The following ATCAY variants were observed in gnomAD, a reference collection of about 807,000 sequenced individuals.
The protein encoded by ATCAY is caytaxin.
In ATCAY, 22 loss-of-function variants were observed where a neutral mutation model predicts 47.7. The observed-to-expected ratio is 0.46, with a 90% CI of 0.33 to 0.66. The LOEUF is 0.66. ATCAY is among the 30% of genes least tolerant of loss of function. ATCAY has a pLI of 0.02. For synonymous variants in ATCAY, 216 were observed against 207.6 expected, an observed-to-expected ratio of 1.04 and a Z score of -0.35; for missense variants, 452 against 515.0, an observed-to-expected ratio of 0.88 and a Z score of 1.18.
intron 10 of ATCAY, among the ~76,000 whole-genome samples, 181 bp downstream of exon 10, chr19:3,917,958 G>A (rs1432724235): frequency 2.0e-5 from 3 of 152,144 alleles, no homozygotes; most frequent in East Asian, 1.9e-4. Flanking sequence ...ACTGGCTCCC[G>A]CATTGAGCTG....
At chr19:3,911,220 G>C (rs1469271850) in intron 8 of ATCAY, among the ~76,000 whole-genome samples, 1 of 152,114 alleles carries the variant, frequency 6.6e-6, no homozygotes, top group African/African-American at 2.4e-5. Flanking sequence ...ACAAAAATTA[G>C]CAGGACGTGG....
intron 12 of ATCAY, among the ~76,000 whole-genome samples, chr19:3,921,253 G>A (rs192712101): frequency 1.5e-3 from 222 of 151,930 alleles, no homozygotes; most frequent in African/African-American, 4.2e-3. Flanking sequence ...TCTCACGCCT[G>A]TAATCCCAGC....
At chr19:3,914,930 C>T (rs1052431168) in intron 9 of ATCAY, among the ~76,000 whole-genome samples, 13 of 152,018 alleles carry the variant, frequency 8.6e-5, no homozygotes, top group Admixed American at 7.9e-4. Flanking sequence ...AGGGGAAACG[C>T]AGACTTGGAA....
intron 9 of ATCAY, among the ~76,000 whole-genome samples, chr19:3,914,984 A>G (rs968880392): frequency 3.8e-5 from 4 of 106,122 alleles, no homozygotes; most frequent in African/African-American, 9.7e-5. Context: ...GGAGCCCCTC[A>G]GGGACCCCCC....
intron 3 of ATCAY, among the ~76,000 whole-genome samples, chr19:3,904,682 G>T (rs139299966): frequency 1.5e-4 from 23 of 151,834 alleles, no homozygotes; most frequent in African/African-American, 5.6e-4. Context: ...TTGTTTCCCT[G>T]GAGCACTCTG....
chr19:3,882,831 C>A (rs1192110220), intron 1 of ATCAY, among the ~76,000 whole-genome samples: 1 of 144,844 alleles, frequency 6.9e-6, no homozygotes, highest in African/African-American at 2.6e-5. Flanking sequence ...TTTTGCTTTT[C>A]GTAGAGATGG....
At chr19:3,885,929 C>G in intron 2 of ATCAY, 85 bp downstream of exon 2, 36 of 1,419,498 alleles carry the variant, frequency 2.5e-5, no homozygotes, top group Non-Finnish European at 3.4e-5. Flanking sequence ...GGGTCTCTCT[C>G]TAAGTGGGAA....
intron 8 of ATCAY, among the ~76,000 whole-genome samples, chr19:3,911,822 C>A (rs2038924750): frequency 6.6e-6 from 1 of 152,150 alleles, no homozygotes; most frequent in Non-Finnish European, 1.5e-5. Flanking sequence ...GAGGGCTTCA[C>A]TTTCCCTTGA....
chr19:3,924,791 T>C lies in ATCAY; in HGVS notation c.*199T>C, dbSNP rs1310142277. ...ACATTGTATTTTTTTTTTTTAACGA[T>C]GCAGTATTTGTGCGTTCCAGAAAAG... On this transcript the variant is annotated 3_prime_UTR_variant, in exon 13 of 13. Transcript: ENST00000450849. The C allele has an allele frequency of 3.4e-6, 2 of 591,338 alleles. No individual in the cohort carries two copies. Among genetic ancestry groups the C allele is most frequent in the South Asian group, 2.1e-5 (1 of 47,964 alleles). The allele number at this position is 591,338 out of a possible 1,614,324, so 36.6% of individuals were successfully genotyped here.
At chr19:3,887,295 CA>C (rs532226558) in intron 2 of ATCAY, among the ~76,000 whole-genome samples, 9,177 of 138,416 alleles carry the variant, frequency 0.066, 690 homozygotes, top group African/African-American at 0.19. Context: ...CCATTTCTAC[CA>C]AAAAAAAAAA....
At chr19:3,888,708 G>A (rs770032691) in intron 2 of ATCAY, among the ~76,000 whole-genome samples, 25 of 152,182 alleles carry the variant, frequency 1.6e-4, no homozygotes, top group African/African-American at 3.9e-4. Context: ...CCAAAAGAAC[G>A]AACTTAAAAG....
Position 3,887,729 on chromosome 19 carries a change from G to A in ATCAY, c.77+1885G>A, listed in dbSNP as rs1019350952. 8.6e-4 allele frequency among the ~76,000 whole-genome samples: 128 copies of A among 148,598 alleles called. 2 individuals are homozygous for A. The highest frequency in any genetic ancestry group is 3.7e-3 in the South Asian group (17 of 4,570). On this transcript the variant is annotated intron_variant, in intron 2 of 12. Coordinates refer to ENST00000450849, the MANE Select transcript of ATCAY (RefSeq NM_033064.5). ...TCTCGATCGTCTGACCTCGTGATCC[G>A]CCCACCTCGGCCTCCCAAAGTGCTG...
In ATCAY at chr19:3,908,277, G is replaced by A; in HGVS notation, c.554G>A (p.Gly185Asp). 6.3e-7 allele frequency: 1 copy of A among 1,576,386 alleles called. No homozygotes were observed. The highest frequency in any genetic ancestry group is 8.6e-7 in the Non-Finnish European group (1 of 1,161,028). ...MKVVTHGGYY[G>D]EGLNAIIVFA... ...GGCTGCCTCTCCTCAGGGTACTACGGCGAAGGCCTCAACGCCATCATCGTC... is the reference window on the plus strand; with the variant it reads ...GGCTGCCTCTCCTCAGGGTACTACGACGAAGGCCTCAACGCCATCATCGTC... The change falls in exon 6 of 13, where the codon GGC (glycine) becomes GAC (aspartate). Residue 185 changes from glycine (G) to aspartate (D), a missense_variant. Coordinates refer to ENST00000450849, the MANE Select transcript of ATCAY (RefSeq NM_033064.5).
intron 2 of ATCAY, among the ~76,000 whole-genome samples, 182 bp from the exon 3 acceptor site, chr19:3,902,305 C>T (rs982069913): frequency 6.6e-6 from 1 of 152,172 alleles, no homozygotes; most frequent in South Asian, 2.1e-4. Context: ...CTGGGCGATA[C>T]AGTGAGGCTC....
chr19:3,924,075 G>A (rs1405461746), intron 12 of ATCAY, among the ~76,000 whole-genome samples: 2 of 151,350 alleles, frequency 1.3e-5, no homozygotes, highest in Non-Finnish European at 2.9e-5. Flanking sequence ...TGGATGGATG[G>A]ATGGTTGAAT....
At chr19:3,916,780 T>G (rs28845776) in intron 9 of ATCAY, among the ~76,000 whole-genome samples, 26,197 of 149,212 alleles carry the variant, frequency 0.18, 2,812 homozygotes, top group African/African-American at 0.3. Flanking sequence ...ACCCAGCCTG[T>G]TTTTTGTTGT....
Position 3,905,441 on chromosome 19 carries a change from C to T in ATCAY, c.144C>T (p.Pro48=). ...TTTCTCATTTCCCTGCAGCTCCTCC[C>T]AACACGCTAAATTTCAACGGAGCGC... ...GSPVEDTSSP[P]NTLNFNGAHR... The change falls in exon 4 of 13, where the codon CCC becomes CCT. Residue 48 remains proline (P), a synonymous_variant. Transcript: ENST00000450849. 6.2e-7 allele frequency: 1 copy of T among 1,607,444 alleles called. No homozygotes were observed. The highest frequency in any genetic ancestry group is 8.5e-7 in the Non-Finnish European group (1 of 1,176,380).
rs77551832 is a variant in ATCAY, at chr19:3,907,682, A to G, written c.359-52A>G. 4.7e-3 allele frequency: 7,571 copies of G among 1,601,606 alleles called. 183 individuals are homozygous for G. In the East Asian group the frequency reaches 0.067, roughly 14 times the overall value. ...GGGAAGGAAGGCTGAGCAGGAGGGC[A>G]GGAGATATCCGGACTCTGGCGTCCA... On this transcript the variant is annotated intron_variant, in intron 4 of 12. Coordinates refer to ENST00000450849, the MANE Select transcript of ATCAY (RefSeq NM_033064.5). This position sits in a 1 kb window ranked among gnomAD's most constrained non-coding sequence, Gnocchi z 5.1.
Position 3,885,885 on chromosome 19 carries a change from G to A in ATCAY, c.77+41G>A. ...CCCTGAGTCAACCGTTGGGGGAGCAGGTGTCTCTCCCAGGTGGGACACAGG... is the reference window on the plus strand; with the variant it reads ...CCCTGAGTCAACCGTTGGGGGAGCAAGTGTCTCTCCCAGGTGGGACACAGG... On this transcript the variant is annotated intron_variant, in intron 2 of 12. Transcript: ENST00000450849. The A allele has an allele frequency of 2.6e-6, 4 of 1,537,450 alleles. No individual in the cohort carries two copies. In the East Asian group the frequency reaches 9.8e-5, roughly 38 times the overall value.
Sources: gnomAD v4.1 joint callset for allele counts (sites outside exome capture counted in the v4.1 genomes callset) on GRCh38, gnomAD v4.1.1 for gene constraint, Gnocchi (gnomAD v3.1) non-coding constraint, MANE v1.5 for transcripts, NCBI Gene and HGNC (gene_info 2026-07-23, HGNC 2026-07-21) for gene names.